TEAD1: variants seen among roughly 807,000 people sequenced by gnomAD.
TEAD1 encodes the protein transcriptional enhancer factor TEF-1.
Under a neutral mutation model 54.9 loss-of-function variants are expected in TEAD1, and 9 were observed. The observed-to-expected ratio is 0.16, with a 90% CI of 0.10 to 0.29. The LOEUF (loss-of-function observed/expected upper bound fraction) is 0.29, where lower values mean the gene tolerates loss of function less well. TEAD1 is among the 10% of genes least tolerant of loss of function. The pLI, the probability that TEAD1 is intolerant of heterozygous loss-of-function variation, is 1.00. For missense variants in TEAD1, 387 were observed against 535.9 expected, an observed-to-expected ratio of 0.72 and a Z score of 2.74; for synonymous variants, 200 against 187.8, an observed-to-expected ratio of 1.07 and a Z score of -0.53.
intron 11 of TEAD1, among the ~76,000 whole-genome samples, chr11:12,928,953 G>A (rs916074185): frequency 6.6e-6 from 1 of 151,638 alleles, no homozygotes; most frequent in Non-Finnish European, 1.5e-5. Context: ...TTGTACAGTA[G>A]ATCTCTTGAG....
At chr11:12,762,370 A>G (rs1945119620) in intron 2 of TEAD1, among the ~76,000 whole-genome samples, 1 of 132,654 alleles carries the variant, frequency 7.5e-6, no homozygotes, top group East Asian at 2.2e-4. Flanking sequence ...ATTTCATAAG[A>G]CTCTTAGATC....
At chr11:12,812,062 G>T (rs1173027468) in intron 3 of TEAD1, among the ~76,000 whole-genome samples, 2 of 152,082 alleles carry the variant, frequency 1.3e-5, no homozygotes, top group Non-Finnish European at 2.9e-5. Flanking sequence ...CGATTGGATG[G>T]ATCGTCTCAC....
intron 3 of TEAD1, among the ~76,000 whole-genome samples, chr11:12,807,281 T>A (rs1946194683): frequency 6.6e-6 from 1 of 152,210 alleles, no homozygotes; most frequent in African/African-American, 2.4e-5. Flanking sequence ...AGGGTATAGT[T>A]CTGTTTCTGT....
At chr11:12,738,317 A>T (rs1330291473) in intron 2 of TEAD1, among the ~76,000 whole-genome samples, 1 of 152,218 alleles carries the variant, frequency 6.6e-6, no homozygotes, top group Non-Finnish European at 1.5e-5. Flanking sequence ...CTAAGTATTG[A>T]TAAAAATTTA....
At chr11:12,781,433 A>C (rs1359174432) in intron 3 of TEAD1, among the ~76,000 whole-genome samples, 1 of 152,202 alleles carries the variant, frequency 6.6e-6, no homozygotes, top group Non-Finnish European at 1.5e-5. Flanking sequence ...TCTAGTAAGC[A>C]ACTTGTATCT....
intron 2 of TEAD1, among the ~76,000 whole-genome samples, chr11:12,731,422 G>A (rs933998055): frequency 1.3e-5 from 2 of 152,028 alleles, no homozygotes; most frequent in Non-Finnish European, 2.9e-5. Context: ...AGTTTTTGAT[G>A]TGGGTGTATA....
chr11:12,943,061 C>G lies in TEAD1; in HGVS notation c.*5839C>G, dbSNP rs1357820330. ...ATCAGACATCTTTGAAAATTAGCCT[C>G]TAAACTCTTAATACATACGTTCTGT... On this transcript the variant is annotated 3_prime_UTR_variant, in exon 13 of 13. Transcript: ENST00000527636. The G allele has an allele frequency of 6.6e-6, 1 of 152,186 alleles. No homozygotes were observed. The highest frequency in any genetic ancestry group is 1.5e-5 in the Non-Finnish European group (1 of 68,044). 9.4% of individuals were successfully genotyped at this position (152,186 alleles called of 1,614,324 possible). A position where few individuals can be genotyped will look rare whatever the true frequency, so the allele number is the denominator to read the frequency against.
At chr11:12,702,242 G>A (rs899202027) in intron 2 of TEAD1, among the ~76,000 whole-genome samples, 1 of 152,168 alleles carries the variant, frequency 6.6e-6, no homozygotes, top group Admixed American at 6.5e-5. Flanking sequence ...GTGGTCCTAG[G>A]CTGGTATCAG....
chr11:12,864,263 A>G (rs1188229112), intron 4 of TEAD1, among the ~76,000 whole-genome samples: 1 of 152,198 alleles, frequency 6.6e-6, no homozygotes, highest in Non-Finnish European at 1.5e-5. Flanking sequence ...CTAAATTGAG[A>G]AAAAGGGATT....
At chr11:12,733,578 G>T (rs1944465886) in intron 2 of TEAD1, among the ~76,000 whole-genome samples, 1 of 152,142 alleles carries the variant, frequency 6.6e-6, no homozygotes, top group South Asian at 2.1e-4. Context: ...AGCTTGCAGG[G>T]TTCTGAGGTA....
intron 2 of TEAD1, among the ~76,000 whole-genome samples, chr11:12,691,269 T>C (rs1386507433): frequency 6.6e-6 from 1 of 152,226 alleles, no homozygotes; most frequent in Non-Finnish European, 1.5e-5. Flanking sequence ...TTGGCTCCTG[T>C]GGCCTTTTGA....
intron 11 of TEAD1, among the ~76,000 whole-genome samples, chr11:12,929,206 T>TGTG (rs1948966508): frequency 1.8e-4 from 2 of 10,918 alleles, no homozygotes. Flanking sequence ...GTGTGTCTGC[T>TGTG]TTAGGGTTAT....
intron 3 of TEAD1, among the ~76,000 whole-genome samples, chr11:12,820,126 C>T (rs568774706): frequency 8.5e-5 from 13 of 152,264 alleles, no homozygotes; most frequent in African/African-American, 3.1e-4. Flanking sequence ...ACCTCTCCAT[C>T]AGTGCAGAGC....
At chr11:12,845,363 A>G (rs1244907423) in intron 3 of TEAD1, among the ~76,000 whole-genome samples, 7 of 152,158 alleles carry the variant, frequency 4.6e-5, no homozygotes, top group Non-Finnish European at 1.0e-4. Context: ...AGAACTCTGA[A>G]TGCTTTCAAA....
intron 3 of TEAD1, among the ~76,000 whole-genome samples, chr11:12,849,683 G>A (rs549380039): frequency 2.3e-4 from 35 of 152,240 alleles, no homozygotes; most frequent in African/African-American, 7.5e-4. Context: ...AATACTGGAC[G>A]TCCAGTGAGG....
At chr11:12,808,770 A>G (rs1270708003) in intron 3 of TEAD1, among the ~76,000 whole-genome samples, 6 of 152,176 alleles carry the variant, frequency 3.9e-5, no homozygotes, top group Non-Finnish European at 7.3e-5. Context: ...AACATACTTT[A>G]AAGTTGTCAG....
chr11:12,842,631 C>T (rs1430456809), intron 3 of TEAD1, among the ~76,000 whole-genome samples: 1 of 152,148 alleles, frequency 6.6e-6, no homozygotes, highest in East Asian at 1.9e-4. Flanking sequence ...GGTTCAGAAC[C>T]ACTGATTTTT....
chr11:12,730,414 G>C (rs1340013595), intron 2 of TEAD1, among the ~76,000 whole-genome samples: 2 of 98,906 alleles, frequency 2.0e-5, no homozygotes, highest in Non-Finnish European at 4.0e-5. Context: ...TCCCAGTTGA[G>C]TGTTTTTTTT....
At chr11:12,872,173 A>G (rs893078414) in intron 5 of TEAD1, among the ~76,000 whole-genome samples, 11 of 152,306 alleles carry the variant, frequency 7.2e-5, no homozygotes, top group Middle Eastern at 6.8e-3. Flanking sequence ...CTGCTGAATC[A>G]TGTTTGTATC....
Sources: allele counts gnomAD v4.1 joint callset (sites outside exome capture counted in the v4.1 genomes callset), GRCh38; gene constraint gnomAD v4.1.1; transcripts MANE v1.5; gene names NCBI Gene and HGNC (gene_info 2026-07-23, HGNC 2026-07-21).